CCM2: variants seen among roughly 807,000 people sequenced by gnomAD.
CCM2 encodes CCM2 scaffold protein.
CCM2 carries 25 observed loss-of-function variants against 44.9 expected under a neutral mutation model. The ratio of observed to expected loss-of-function variants is 0.56; its 90% CI spans 0.41 to 0.78. The LOEUF (loss-of-function observed/expected upper bound fraction) is 0.78. Among genes scored for constraint, CCM2 ranks in the 30% least tolerant of loss-of-function variants. CCM2 has a pLI of 0.00. For missense variants in CCM2, 481 were observed against 580.6 expected (o/e 0.83, Z 1.76); for synonymous variants, 219 against 241.1 (o/e 0.91, Z 0.85).
At chr7:45,074,666 G>A (rs1215275094) in intron 9 of CCM2, among the ~76,000 whole-genome samples, 3 of 152,182 alleles carry the variant, frequency 2.0e-5, no homozygotes, top group African/African-American at 7.2e-5. Flanking sequence ...AGCTGAGCTG[G>A]GTGGGCCCTG....
At chr7:45,054,894 T>C (rs1403577924) in intron 2 of CCM2, among the ~76,000 whole-genome samples, 1 of 152,216 alleles carries the variant, frequency 6.6e-6, no homozygotes, top group Non-Finnish European at 1.5e-5. Flanking sequence ...TTTTGAGAAC[T>C]GTCCAGGAGG....
In CCM2 at chr7:45,000,315, G is replaced by C. The variant is rs980306783; in HGVS notation, c.-19G>C. Reference sequence around the variant, plus strand: ...TCCCGGGGCGGGCCGGGCGGGCCGCGGGAGCCGCACGCGGCGATATGGAAG... The same window carrying C: ...TCCCGGGGCGGGCCGGGCGGGCCGCCGGAGCCGCACGCGGCGATATGGAAG... On this transcript the variant is annotated 5_prime_UTR_variant, in exon 1 of 10. Coordinates refer to ENST00000258781, the MANE Select transcript of CCM2 (RefSeq NM_031443.4). The C allele has an allele frequency of 3.1e-5, 39 of 1,249,732 alleles. No homozygotes were observed. The highest frequency in any genetic ancestry group is 4.8e-5 in the African/African-American group (3 of 62,752). The allele number at this position is 1,249,732 out of a possible 1,614,324, so 77.4% of individuals were successfully genotyped here. A position where few individuals can be genotyped will look rare whatever the true frequency, so the allele number is the denominator to read the frequency against.
At chr7:45,001,271 A>C (rs1795614515) in intron 1 of CCM2, among the ~76,000 whole-genome samples, 1 of 152,204 alleles carries the variant, frequency 6.6e-6, no homozygotes, top group African/African-American at 2.4e-5. Flanking sequence ...GGTGGCCTTC[A>C]GGGAGTCCTG....
In CCM2 at chr7:45,000,222, C is replaced by CGGGCGGCGCCGGGAGCGCGG. The variant is rs1445850697; in HGVS notation, c.-103_-84dup. On this transcript the variant is annotated 5_prime_UTR_variant, in exon 1 of 10. Transcript: ENST00000258781. ...GGGCGGAGACTTCGGGCCCGGCTGG[C>CGGGCGGCGCCGGGAGCGCGG]GGGCGGCGCCGGGAGCGCGGGGGCG... is the stretch of plus-strand genomic sequence containing the variant. 30 of 558,628 alleles carry CGGGCGGCGCCGGGAGCGCGG rather than the reference C, an allele frequency of 5.4e-5. No individual in the cohort carries two copies. Among genetic ancestry groups the CGGGCGGCGCCGGGAGCGCGG allele is most frequent in the Admixed American group, 4.0e-4 (3 of 7,538 alleles). 34.6% of individuals were successfully genotyped at this position (558,628 alleles called of 1,614,324 possible).
intron 1 of CCM2, chr7:45,027,235 G>T (rs556309801): frequency 3.1e-5 from 9 of 288,240 alleles, no homozygotes; most frequent in African/African-American, 2.0e-4. Flanking sequence ...AACTGGAACA[G>T]CCTTGTCGCG....
At chr7:45,003,145 A>G (rs1033696071) in intron 1 of CCM2, among the ~76,000 whole-genome samples, 2 of 152,170 alleles carry the variant, frequency 1.3e-5, no homozygotes, top group Non-Finnish European at 1.5e-5. Flanking sequence ...GCACGATCTC[A>G]GCTCACTGCA....
chr7:45,065,757 G>A lies in CCM2; in HGVS notation c.472+1111G>A, dbSNP rs77293209. 9.4e-3 allele frequency among the ~76,000 whole-genome samples: 1,423 copies of A among 152,158 alleles called. 23 individuals are homozygous for A. The highest frequency in any genetic ancestry group is 0.033 in the African/African-American group (1,366 of 41,502). On this transcript the variant is annotated intron_variant, in intron 4 of 9. Coordinates refer to ENST00000258781, the MANE Select transcript of CCM2 (RefSeq NM_031443.4). Reference sequence around the variant, plus strand: ...CTGTGTAGCAGTAGCTTAGACTTGCGTACACCCTCCCCAACGCAGGCACAC... The same window carrying A: ...CTGTGTAGCAGTAGCTTAGACTTGCATACACCCTCCCCAACGCAGGCACAC...
chr7:45,047,045 T>C (rs898656700), intron 2 of CCM2, among the ~76,000 whole-genome samples: 2 of 152,118 alleles, frequency 1.3e-5, no homozygotes, highest in Non-Finnish European at 2.9e-5. Flanking sequence ...CCTAACAGAA[T>C]GTTTAAAAAA....
chr7:45,024,512 C>T (rs572068252), intron 1 of CCM2, among the ~76,000 whole-genome samples: 1 of 152,218 alleles, frequency 6.6e-6, no homozygotes, highest in Admixed American at 6.5e-5. Flanking sequence ...TCTTGGAGTC[C>T]ACATCTTTTT....
chr7:45,059,112 C>G (rs182210379), intron 2 of CCM2, among the ~76,000 whole-genome samples: 81 of 152,136 alleles, frequency 5.3e-4, no homozygotes, highest in African/African-American at 1.7e-3. Flanking sequence ...AACTCCTGAC[C>G]TCAGGTGATC....
intron 1 of CCM2, among the ~76,000 whole-genome samples, chr7:45,002,502 CT>C (rs779729430): frequency 1.6e-3 from 221 of 141,260 alleles, no homozygotes; most frequent in Non-Finnish European, 1.3e-3. Flanking sequence ...TCAGGTGGGC[CT>C]TTTTTTTTTT....
chr7:45,074,124 G>A lies in CCM2; in HGVS notation c.916-146G>A, dbSNP rs1799224703. On this transcript the variant is annotated intron_variant, in intron 8 of 9. Transcript: ENST00000258781. ...GTCTGGTAGGATGGGGACACATTGT[G>A]GTCATTCTGATGCCCCAGCCTGTGC... 2.7e-6 allele frequency: 4 copies of A among 1,505,922 alleles called. No homozygotes were observed. The Admixed American group carries it at 7.9e-5, about 30-fold the overall frequency. 93.3% of individuals were successfully genotyped at this position (1,505,922 alleles called of 1,614,324 possible).
In CCM2 at chr7:45,076,256, G is replaced by T; in HGVS notation, c.*199G>T. On this transcript the variant is annotated 3_prime_UTR_variant, in exon 10 of 10. Transcript: ENST00000258781. ...GGGACACGAGCCTCAGTGCGGGGTGGAAGGCTCTTTGCCTTGTCCACCAGG... is the reference window on the plus strand; with the variant it reads ...GGGACACGAGCCTCAGTGCGGGGTGTAAGGCTCTTTGCCTTGTCCACCAGG... 1.3e-6 allele frequency: 1 copy of T among 779,842 alleles called. No homozygotes were observed. The allele number at this position is 779,842 out of a possible 1,614,324, so 48.3% of individuals were successfully genotyped here.
upstream of CCM2, chr7:44,999,783 T>C (rs1411869644): frequency 2.2e-6 from 1 of 449,676 alleles, no homozygotes; most frequent in Admixed American, 2.4e-5. Context: ...TGGCGGCAAA[T>C]TGAAAAAGTT....
chr7:45,043,789 TC>T (rs548112251), intron 2 of CCM2: 2 of 368,314 alleles, frequency 5.4e-6, no homozygotes, highest in South Asian at 4.0e-5. Flanking sequence ...TCTTTACTCT[TC>T]CCAATGCCTT....
intron 2 of CCM2, among the ~76,000 whole-genome samples, chr7:45,040,648 A>C (rs961256893): frequency 6.6e-6 from 1 of 152,170 alleles, no homozygotes; most frequent in Non-Finnish European, 1.5e-5. Context: ...ACCTCAACTC[A>C]CAGAAGCCTG....
chr7:45,032,401 C>T (rs1257197959), intron 1 of CCM2, among the ~76,000 whole-genome samples: 1 of 152,064 alleles, frequency 6.6e-6, no homozygotes, highest in Non-Finnish European at 1.5e-5. Context: ...CTCTGCTAGT[C>T]TGTGAGCAGT....
chr7:45,012,501 T>C (rs1046473008), intron 1 of CCM2, among the ~76,000 whole-genome samples: 2 of 152,202 alleles, frequency 1.3e-5, no homozygotes, highest in Non-Finnish European at 1.5e-5. Context: ...GTAAGACTTC[T>C]TGTCCCAATC....
At chr7:45,048,909 G>A (rs1797876881) in intron 2 of CCM2, among the ~76,000 whole-genome samples, 1 of 152,184 alleles carries the variant, frequency 6.6e-6, no homozygotes, top group South Asian at 2.1e-4. Flanking sequence ...TAATGGGACA[G>A]GGTAATTAAT....
Sources: gnomAD v4.1 joint callset for allele counts (sites outside exome capture counted in the v4.1 genomes callset) on GRCh38, gnomAD v4.1.1 for gene constraint, MANE v1.5 for transcripts, NCBI Gene and HGNC (gene_info 2026-07-23, HGNC 2026-07-21) for gene names.